Variants in TPM3 observed in about 807,000 individuals in gnomAD.
TPM3 encodes tropomyosin alpha-3 chain.
TPM3 carries 16 observed loss-of-function variants against 43.1 expected under a neutral mutation model. The observed-to-expected ratio is 0.37, with a 90% CI of 0.25 to 0.56. TPM3 has a LOEUF of 0.56. Ranked by LOEUF, TPM3 falls within the 20% of genes least tolerant of loss-of-function variation. The pLI, the probability that TPM3 is intolerant of heterozygous loss-of-function variation, is 0.77. For synonymous variants in TPM3, 101 were observed against 116.9 expected (o/e 0.86, Z 0.88); for missense variants, 176 against 337.2 (o/e 0.52, Z 3.74).
Position 154,171,555 on chromosome 1 carries a change from G to C in TPM3, c.567-67C>G, listed in dbSNP as rs914790757. 12 of 1,541,726 alleles carry C rather than the reference G, an allele frequency of 7.8e-6. No homozygotes were observed. In the African/African-American group the frequency reaches 8.2e-5, roughly 11 times the overall value. Reference sequence around the variant, plus strand: ...GGAAGAGAATAAAAAAAGGGAGAGAGACACATAGACGTGAATTGAACCTAT... The same window carrying C: ...GGAAGAGAATAAAAAAAGGGAGAGACACACATAGACGTGAATTGAACCTAT... On this transcript the variant is annotated intron_variant, in intron 5 of 9. Coordinates refer to ENST00000651641, the MANE Select transcript of TPM3 (RefSeq NM_152263.4).
chr1:154,155,443 C>T (rs755894988), downstream of TPM3: 15 of 253,562 alleles, frequency 5.9e-5, no homozygotes, highest in Non-Finnish European at 1.0e-4. Flanking sequence ...TGCCTATCAA[C>T]GGAAAATTGT....
Position 154,167,546 on chromosome 1 carries a change from T to C in TPM3, c.*391A>G, listed in dbSNP as rs1038965077. 37 of 1,148,382 alleles carry C rather than the reference T, an allele frequency of 3.2e-5. No individual in the cohort carries two copies. The highest frequency in any genetic ancestry group is 3.7e-5 in the Non-Finnish European group (34 of 928,098). The allele number at this position is 1,148,382 out of a possible 1,614,324, so 71.1% of individuals were successfully genotyped here. On this transcript the variant is annotated 3_prime_UTR_variant, in exon 10 of 10. Transcript: ENST00000651641. ...TAAAATTACTATCCTGAGTAACCTG[T>C]ACTAAATCCATCACTCTGGTAGAAT... is the stretch of plus-strand genomic sequence containing the variant.
At chr1:154,172,113 GAT>G in intron 5 of TPM3, 1 of 1,614,086 alleles carries the variant, frequency 6.2e-7, no homozygotes. Context: ...GGCTGTTAGT[GAT>G]AGTCACGGGG....
At chr1:154,174,492 C>T (rs1396083739) in intron 3 of TPM3, among the ~76,000 whole-genome samples, 1 of 142,640 alleles carries the variant, frequency 7.0e-6, no homozygotes, top group African/African-American at 2.6e-5. Context: ...CTTTTTTTTC[C>T]CCCCGGTATT....
downstream of TPM3, chr1:154,156,408 T>C (rs1031514576): frequency 2.1e-5 from 4 of 187,950 alleles, no homozygotes; most frequent in African/African-American, 9.4e-5. Context: ...TTGTCAATAT[T>C]CAGTATCAAA....
rs28372838 is a variant in TPM3 at position 154,173,056 on chromosome 1, C to T, written c.495+28G>A. 9.8e-5 allele frequency: 158 copies of T among 1,613,594 alleles called. 4 individuals are homozygous for T. In the South Asian group the frequency reaches 1.5e-3, roughly 15 times the overall value. ...CATTATGCTTTGTAAAAGGCCGATACGAGAGGGACTAACAGAAGGTCACTT... is the reference window on the plus strand; with the variant it reads ...CATTATGCTTTGTAAAAGGCCGATATGAGAGGGACTAACAGAAGGTCACTT... On this transcript the variant is annotated intron_variant, in intron 4 of 9. Transcript: ENST00000651641.
At chr1:154,174,176 T>A (rs1441877712) in intron 3 of TPM3, among the ~76,000 whole-genome samples, 1 of 148,766 alleles carries the variant, frequency 6.7e-6, no homozygotes, top group Non-Finnish European at 1.5e-5. Context: ...GTACTAGAAA[T>A]ACAAAAATTA....
At chr1:154,179,581 C>T (rs951464810) in intron 2 of TPM3, among the ~76,000 whole-genome samples, 1 of 151,964 alleles carries the variant, frequency 6.6e-6, no homozygotes, top group African/African-American at 2.4e-5. Flanking sequence ...CCTTACACTC[C>T]CGCAGTTGAC....
In TPM3 at chr1:154,172,000, A is replaced by C. The variant is rs751071082; in HGVS notation, c.567-512T>G. The C allele has an allele frequency of 2.5e-6, 4 of 1,612,340 alleles. No homozygotes were observed. In the South Asian group the frequency reaches 4.4e-5, roughly 18 times the overall value. ...CAAAACAAAACCACACCACATATAT[A>C]ACCTTGCTGTGGGCTTAATGGTTAG... On this transcript the variant is annotated intron_variant, in intron 5 of 9. Coordinates refer to ENST00000651641, the MANE Select transcript of TPM3 (RefSeq NM_152263.4).
Position 154,163,876 on chromosome 1 carries a change from G to A in TPM3, c.*4061C>T, listed in dbSNP as rs186134486. Among the ~76,000 whole-genome samples the A allele has an allele frequency of 8.2e-4, 124 of 151,964 alleles. No homozygotes were observed. Among genetic ancestry groups the A allele is most frequent in the African/African-American group, 2.7e-3 (112 of 41,452 alleles). ...TCTTGATCTCCTGACCTCGTGATCC[G>A]CCCACCTCGGCCTCCCAAAGTGCTG... On this transcript the variant is annotated 3_prime_UTR_variant, in exon 10 of 10. Transcript: ENST00000651641.
At chr1:154,174,479 A>G (rs1662061833) in intron 3 of TPM3, among the ~76,000 whole-genome samples, 1 of 123,124 alleles carries the variant, frequency 8.1e-6, no homozygotes, top group Admixed American at 8.7e-5. Context: ...TGTTTTCCAC[A>G]CTCTTTTTTT....
chr1:154,161,435 TC>T (rs1312986293), downstream of TPM3, among the ~76,000 whole-genome samples: 13 of 146,332 alleles, frequency 8.9e-5, no homozygotes, highest in African/African-American at 3.3e-4. Flanking sequence ...GTTATCAGGA[TC>T]CTTTTTTTTT....
chr1:154,171,147 G>A (rs1571398920), intron 6 of TPM3: 2 of 590,714 alleles, frequency 3.4e-6, no homozygotes, highest in East Asian at 5.6e-5. Context: ...AGCCTGTTAG[G>A]GCCCTTGATT....
rs1389219269 is a variant in TPM3 at position 154,174,368 on chromosome 1, G to GTGTATATATA, written c.378-1168_378-1167insTATATATACA. ...AAATAAATATTATTTAAATATATGT[G>GTGTATATATA]TATATATATATATATATATATATAT... On this transcript the variant is annotated intron_variant, in intron 3 of 9. Transcript: ENST00000651641. 4.6e-3 allele frequency among the ~76,000 whole-genome samples: 211 copies of GTGTATATATA among 46,324 alleles called. 14 individuals carry two copies. The highest frequency in any genetic ancestry group is 7.6e-3 in the African/African-American group (114 of 14,910). 30.4% of individuals were successfully genotyped at this position (46,324 alleles called of 152,430 possible).
Position 154,165,843 on chromosome 1 carries a change from A to G in TPM3, c.*2094T>C, listed in dbSNP as rs1188886199. Among the ~76,000 whole-genome samples, 1 of 152,062 alleles carries G rather than the reference A, an allele frequency of 6.6e-6. No individual in the cohort carries two copies. The highest frequency in any genetic ancestry group is 1.5e-5 in the Non-Finnish European group (1 of 68,008). On this transcript the variant is annotated 3_prime_UTR_variant, in exon 10 of 10. Coordinates refer to ENST00000651641, the MANE Select transcript of TPM3 (RefSeq NM_152263.4). ...AAAAGTTTTAACATGTTTATGAAGT[A>G]CCCATTACATGCCTTCTTCCATGAG...
intron 2 of TPM3, among the ~76,000 whole-genome samples, chr1:154,186,034 T>G (rs904549854): frequency 6.6e-6 from 1 of 151,552 alleles, no homozygotes; most frequent in African/African-American, 2.4e-5. Flanking sequence ...CCTATCACCT[T>G]TTGGAAATAC....
At chr1:154,183,261 G>A in intron 2 of TPM3, 1 of 1,521,430 alleles carries the variant, frequency 6.6e-7, no homozygotes, top group Non-Finnish European at 8.8e-7. Context: ...TCCCTCTGCC[G>A]CGCCCTCCCA....
At chr1:154,171,596 G>A in intron 5 of TPM3, 108 bp from the exon 6 acceptor site, 3 of 1,195,408 alleles carry the variant, frequency 2.5e-6, no homozygotes, top group African/African-American at 1.5e-5. Context: ...GAGAGAGTTG[G>A]AAGGCATACT....
At position 154,163,506 on chromosome 1, in the gene TPM3, T is replaced by C. The variant is rs553836659; in HGVS notation, c.*4431A>G. ...CATGTCCCATTTTCAGTTATCTTCC[T>C]TCTTAGCCTCTCTGTTGAAAAACCA... is the stretch of plus-strand genomic sequence containing the variant. On this transcript the variant is annotated 3_prime_UTR_variant, in exon 10 of 10. Coordinates refer to ENST00000651641, the MANE Select transcript of TPM3 (RefSeq NM_152263.4). 6.6e-6 allele frequency among the ~76,000 whole-genome samples: 1 copy of C among 152,346 alleles called. No homozygotes were observed. Among genetic ancestry groups the C allele is most frequent in the South Asian group, 2.1e-4 (1 of 4,824 alleles).
Sources: gnomAD v4.1 joint callset for allele counts (sites outside exome capture counted in the v4.1 genomes callset) on GRCh38, gnomAD v4.1.1 for gene constraint, MANE v1.5 for transcripts, NCBI Gene and HGNC (gene_info 2026-07-23, HGNC 2026-07-21) for gene names.